The following NPAS3 variants were observed in gnomAD, a reference collection of about 807,000 sequenced individuals.
The protein encoded by NPAS3 is neuronal PAS domain-containing protein 3.
In NPAS3, 14 loss-of-function variants were observed where a neutral mutation model predicts 73.1. That is an observed-to-expected ratio of 0.19 (90% confidence interval 0.13 to 0.30). The LOEUF (loss-of-function observed/expected upper bound fraction) is 0.30. NPAS3 is among the 10% of genes least tolerant of loss of function. The probability of loss-of-function intolerance (pLI) is 1.00; values close to 1 mark genes in which losing one functional copy is unlikely to be tolerated. For missense variants in NPAS3, 1,096 were observed against 1,250.0 expected, an observed-to-expected ratio of 0.88 and a Z score of 1.86; for synonymous variants, 620 against 541.5, an observed-to-expected ratio of 1.14 and a Z score of -2.01.
intron 4 of NPAS3, among the ~76,000 whole-genome samples, chr14:33,469,240 G>C (rs2139585353): frequency 6.6e-6 from 1 of 151,420 alleles, no homozygotes; most frequent in South Asian, 2.1e-4. Flanking sequence ...CAGGATAAAG[G>C]TGATTCAGCA....
At chr14:33,414,019 C>T (rs2048042605) in intron 4 of NPAS3, among the ~76,000 whole-genome samples, 1 of 152,142 alleles carries the variant, frequency 6.6e-6, no homozygotes, top group South Asian at 2.1e-4. Context: ...CTTTCTCTTT[C>T]CTTCCTCTTT....
intron 1 of NPAS3, among the ~76,000 whole-genome samples, chr14:33,019,869 A>G (rs971360556): frequency 6.6e-6 from 1 of 152,224 alleles, no homozygotes; most frequent in African/African-American, 2.4e-5. Flanking sequence ...AAACAACCCC[A>G]TTTAAAATAG....
chr14:33,673,976 GC>G (rs2059682609), intron 5 of NPAS3, among the ~76,000 whole-genome samples: 1 of 152,078 alleles, frequency 6.6e-6, no homozygotes, highest in African/African-American at 2.4e-5. Context: ...TGCCCACCTC[GC>G]CCTCATCATT....
chr14:33,472,026 C>G (rs118069741), intron 4 of NPAS3, among the ~76,000 whole-genome samples: 2 of 152,214 alleles, frequency 1.3e-5, no homozygotes, highest in African/African-American at 2.4e-5. Context: ...GTCACTGTCT[C>G]CCTCTCTGCC....
At chr14:33,136,341 G>A (rs1200934769) in intron 2 of NPAS3, among the ~76,000 whole-genome samples, 2 of 144,138 alleles carry the variant, frequency 1.4e-5, no homozygotes, top group Admixed American at 1.3e-4. Context: ...TTACAGGTGT[G>A]AGCCACTGCG....
intron 1 of NPAS3, among the ~76,000 whole-genome samples, chr14:32,946,318 C>T (rs2036246951): frequency 6.7e-6 from 1 of 148,166 alleles, no homozygotes; most frequent in Non-Finnish European, 1.5e-5. Context: ...AAGTTATTTA[C>T]TCCCCCATCC....
intron 3 of NPAS3, among the ~76,000 whole-genome samples, chr14:33,230,168 C>A (rs1005346612): frequency 1.3e-5 from 2 of 152,218 alleles, no homozygotes; most frequent in Non-Finnish European, 2.9e-5. Context: ...AGCCTGCATT[C>A]TTTTACAGCA....
intron 5 of NPAS3, among the ~76,000 whole-genome samples, chr14:33,642,481 GC>G (rs1380843856): frequency 5.3e-5 from 8 of 152,258 alleles, no homozygotes; most frequent in African/African-American, 1.9e-4. Context: ...CTTTCTTATG[GC>G]ACTAATCGTT....
At chr14:32,960,501 A>C (rs143187491) in intron 1 of NPAS3, among the ~76,000 whole-genome samples, 65 of 152,342 alleles carry the variant, frequency 4.3e-4, no homozygotes, top group African/African-American at 1.5e-3. Context: ...AGAACACCAC[A>C]GTGGAATGTC....
intron 4 of NPAS3, among the ~76,000 whole-genome samples, chr14:33,487,750 T>C (rs2051682875): frequency 6.6e-6 from 1 of 152,174 alleles, no homozygotes; most frequent in Non-Finnish European, 1.5e-5. Context: ...AATTTTCCAT[T>C]TGAAATTTCC....
chr14:33,479,593 T>A (rs967895476), intron 4 of NPAS3, among the ~76,000 whole-genome samples: 1 of 152,194 alleles, frequency 6.6e-6, no homozygotes, highest in Non-Finnish European at 1.5e-5. Context: ...CAGCTTGTGA[T>A]CCCTAGAGGG....
chr14:33,614,873 C>A (rs886428484), intron 5 of NPAS3, among the ~76,000 whole-genome samples: 1 of 152,086 alleles, frequency 6.6e-6, no homozygotes, highest in African/African-American at 2.4e-5. Context: ...GAATTGACTG[C>A]TTAGCACTAT....
chr14:33,592,403 T>C (rs2057100047), intron 5 of NPAS3, among the ~76,000 whole-genome samples: 1 of 152,174 alleles, frequency 6.6e-6, no homozygotes, highest in African/African-American at 2.4e-5. Context: ...GACACAAACA[T>C]ATTAAAATTT....
At chr14:33,668,810 C>T (rs533658211) in intron 5 of NPAS3, among the ~76,000 whole-genome samples, 107 of 152,208 alleles carry the variant, frequency 7.0e-4, no homozygotes, top group Non-Finnish European at 1.3e-3. Flanking sequence ...CAGGGCGAGA[C>T]CCTGTCTCAA....
chr14:33,738,678 C>T (rs1320110118), intron 7 of NPAS3, among the ~76,000 whole-genome samples: 1 of 152,200 alleles, frequency 6.6e-6, no homozygotes, highest in Non-Finnish European at 1.5e-5. Context: ...TATGAGCTGA[C>T]ATTCAGTTGT....
Position 33,799,988 on chromosome 14 carries a change from G to A in NPAS3, c.1681G>A (p.Val561Met), listed in dbSNP as rs769204359. Residue 561 changes from valine to methionine, a missense_variant, in exon 12 of 12, where the codon GTG (valine) becomes ATG (methionine). Physicochemically the swap from Val to Met is conservative, Grantham distance 21. Around this residue, in one of 5 missense-constraint regions of NPAS3, gnomAD observed 698 missense variants for 676.7 expected, o/e 1.03. Transcript: ENST00000356141. ...GATGCAGATCAAGGTGGAGCGCTAC[G>A]TGGAGAGCGAGTCGGACCTGCGGCT... 9 of 1,613,574 alleles carry A rather than the reference G, an allele frequency of 5.6e-6. No homozygotes were observed. In the East Asian group the frequency reaches 1.6e-4, roughly 28 times the overall value.
At chr14:33,073,685 A>G (rs1001659012) in intron 2 of NPAS3, among the ~76,000 whole-genome samples, 1 of 152,232 alleles carries the variant, frequency 6.6e-6, no homozygotes, top group East Asian at 1.9e-4. Flanking sequence ...TTGACTAGAA[A>G]GGGTTTAGGC....
intron 4 of NPAS3, among the ~76,000 whole-genome samples, chr14:33,544,812 G>A (rs10715621): frequency 0.22 from 17,543 of 81,350 alleles, 2,853 homozygotes; most frequent in African/African-American, 0.44. Flanking sequence ...ATATATATAT[G>A]TATATATAAT....
intron 3 of NPAS3, among the ~76,000 whole-genome samples, chr14:33,263,401 C>G (rs1008187516): frequency 1.1e-4 from 16 of 152,096 alleles, no homozygotes; most frequent in Non-Finnish European, 2.2e-4. Context: ...GCTTGTTTTT[C>G]TCAGGTTTGT....
Sources: allele counts gnomAD v4.1 joint callset (sites outside exome capture counted in the v4.1 genomes callset), GRCh38; gene constraint gnomAD v4.1.1; regional missense constraint gnomAD v4.1.1; transcripts MANE v1.5; gene names NCBI Gene and HGNC (gene_info 2026-07-23, HGNC 2026-07-21).